Variants in ABCG8 observed in about 807,000 individuals in gnomAD.
The protein encoded by ABCG8 is ATP binding cassette subfamily G member 8.
A neutral mutation model predicts 71.3 loss-of-function variants in ABCG8; 81 were observed. The ratio of observed to expected loss-of-function variants is 1.14; its 90% CI spans 0.95 to 1.37. The LOEUF is 1.37. Ranked by LOEUF, ABCG8 falls within the 40% of genes most tolerant of loss-of-function variation. The pLI, the probability that ABCG8 is intolerant of heterozygous loss-of-function variation, is 0.00. For missense variants in ABCG8, 1,119 were observed against 866.2 expected (o/e 1.29, Z -3.66); for synonymous variants, 451 against 354.7 (o/e 1.27, Z -3.05).
Position 43,852,745 on chromosome 2 carries a change from G to C in ABCG8, c.841G>C (p.Asp281His), listed in dbSNP as rs2104920487. 1.2e-6 allele frequency: 2 copies of C among 1,614,200 alleles called. No homozygotes were observed. Among genetic ancestry groups the C allele is most frequent in the East Asian group, 4.5e-5 (2 of 44,878 alleles). The change falls in exon 6 of 13, where the codon GAT becomes CAT. Residue 281 changes from aspartate (D) to histidine (H), a missense_variant. Asp to His is a moderately conservative substitution (Grantham distance 81). Coordinates refer to ENST00000272286, the MANE Select transcript of ABCG8 (RefSeq NM_022437.3). ...QPRSDIFRLF[D>H]LVLLMTSGTP... ...TCGCTCTGACATCTTCAGGCTGTTT[G>C]ATCTGGTCCTCCTGATGACGTCTGG...
chr2:43,860,352 T>C (rs4952687), intron 6 of ABCG8, among the ~76,000 whole-genome samples: 65,744 of 145,278 alleles, frequency 0.45, 15,454 homozygotes, highest in East Asian at 0.87. Flanking sequence ...CTCTCACTAT[T>C]TGGATAGAAT....
chr2:43,876,359 G>A (rs1669957934), intron 11 of ABCG8, among the ~76,000 whole-genome samples: 1 of 152,238 alleles, frequency 6.6e-6, no homozygotes, highest in African/African-American at 2.4e-5. Flanking sequence ...GTCTCAGAGA[G>A]TGGGATGTGC....
At chr2:43,867,097 CA>C (rs1008694146) in intron 6 of ABCG8, among the ~76,000 whole-genome samples, 1 of 150,096 alleles carries the variant, frequency 6.7e-6, no homozygotes. Flanking sequence ...ATCGCAAGAA[CA>C]AAAAACCAAA....
intron 6 of ABCG8, among the ~76,000 whole-genome samples, chr2:43,859,497 C>T (rs1183691679): frequency 6.6e-6 from 1 of 151,326 alleles, no homozygotes; most frequent in African/African-American, 2.4e-5. Context: ...AGAACTCTCA[C>T]TATCTATCTG....
Position 43,855,218 on chromosome 2 carries a change from A to G in ABCG8, c.964+2350A>G, listed in dbSNP as rs115238791. ...TCTGAATAGAACTCTCACTATCTCA[A>G]TACAATTCTCACCATCTAGATAGAA... On this transcript the variant is annotated intron_variant, in intron 6 of 12. Transcript: ENST00000272286. Among the ~76,000 whole-genome samples, 795 of 152,094 alleles carry G rather than the reference A, an allele frequency of 5.2e-3. 5 individuals carry two copies. Among genetic ancestry groups the G allele is most frequent in the African/African-American group, 0.018 (752 of 41,466 alleles).
chr2:43,869,853 C>A (rs753444281), intron 6 of ABCG8, among the ~76,000 whole-genome samples: 3 of 151,986 alleles, frequency 2.0e-5, no homozygotes, highest in Non-Finnish European at 4.4e-5. Flanking sequence ...CTGGATGGAA[C>A]TCTCACTATC....
At chr2:43,848,606 A>T (rs1342915028) in intron 3 of ABCG8, 2 of 152,188 alleles carry the variant, frequency 1.3e-5, no homozygotes, top group African/African-American at 4.8e-5. Flanking sequence ...AAATTATTAA[A>T]ATGATTTATT....
chr2:43,852,976 T>G (rs1298818774), intron 6 of ABCG8, 108 bp downstream of exon 6: 34 of 1,335,420 alleles, frequency 2.5e-5, no homozygotes, highest in Non-Finnish European at 3.4e-5. Context: ...TCCCAGAGGT[T>G]TCAGGAGAGG....
intron 3 of ABCG8, chr2:43,846,679 T>G (rs537908117): frequency 1.5e-4 from 50 of 339,046 alleles, no homozygotes; most frequent in African/African-American, 9.8e-4. Flanking sequence ...TCCTCCACAA[T>G]CACATTCTGA....
intron 3 of ABCG8, among the ~76,000 whole-genome samples, chr2:43,850,183 A>G (rs957595159): frequency 4.6e-5 from 7 of 151,952 alleles, no homozygotes; most frequent in Non-Finnish European, 7.4e-5. Flanking sequence ...AGCCTGGGCC[A>G]CAGAGGGAGA....
At chr2:43,845,209 A>T (rs1452776949) in intron 2 of ABCG8, among the ~76,000 whole-genome samples, 1 of 151,884 alleles carries the variant, frequency 6.6e-6, no homozygotes, top group African/African-American at 2.4e-5. Context: ...GGCACCCAGG[A>T]ACCCCCTGGT....
chr2:43,846,259 C>T lies in ABCG8; in HGVS notation c.270C>T (p.Asn90=), dbSNP rs768306135. Residue 90 remains asparagine (N), a synonymous_variant, in exon 3 of 13, where the codon AAC becomes AAT. Coordinates refer to ENST00000272286, the MANE Select transcript of ABCG8 (RefSeq NM_022437.3). Reference sequence around the variant, plus strand: ...ATTCTTGTGAGCTGGGCATCCAGAACCTAAGCTTCAAAGTGAGAAGTGGGC... The same window carrying T: ...ATTCTTGTGAGCTGGGCATCCAGAATCTAAGCTTCAAAGTGAGAAGTGGGC... ...CQNSCELGIQ[N]LSFKVRSGQM... 6.2e-7 allele frequency: 1 copy of T among 1,614,158 alleles called. No individual in the cohort carries two copies. Among genetic ancestry groups the T allele is most frequent in the Non-Finnish European group, 8.5e-7 (1 of 1,180,040 alleles).
At chr2:43,848,749 C>T (rs1174520971) in intron 3 of ABCG8, among the ~76,000 whole-genome samples, 1 of 152,162 alleles carries the variant, frequency 6.6e-6, no homozygotes, top group African/African-American at 2.4e-5. Context: ...GGCACGGTGG[C>T]TCATGCCTGT....
At chr2:43,875,527 C>G (rs1241549494) in intron 11 of ABCG8, 114 bp downstream of exon 11, 6 of 1,378,832 alleles carry the variant, frequency 4.4e-6, no homozygotes, top group Non-Finnish European at 5.8e-6. Flanking sequence ...CGAGGCTGGC[C>G]CTTCTGGAAG....
rs1670083502 is a variant in ABCG8, at chr2:43,879,913, A to G, written c.*2000A>G. 2 of 152,184 alleles carry G rather than the reference A, an allele frequency of 1.3e-5. No homozygotes were observed. 9.4% of individuals were successfully genotyped at this position (152,184 alleles called of 1,614,324 possible). A position where few individuals can be genotyped will look rare whatever the true frequency, so the allele number is the denominator to read the frequency against. On this transcript the variant is annotated 3_prime_UTR_variant, in exon 13 of 13. Coordinates refer to ENST00000272286, the MANE Select transcript of ABCG8 (RefSeq NM_022437.3). ...ACTATTTTCCCTCCCTTTATAATTA[A>G]TAAGCATTTTGTAAGTGGGTACTTT...
chr2:43,872,296 A>G lies in ABCG8; in HGVS notation c.1201A>G (p.Thr401Ala). 6.2e-7 allele frequency: 1 copy of G among 1,613,740 alleles called. No homozygotes were observed. Among genetic ancestry groups the G allele is most frequent in the South Asian group, 1.1e-5 (1 of 91,060 alleles). The change falls in exon 8 of 13, where the codon ACG becomes GCG. Residue 401 changes from threonine to alanine, a missense_variant. Coordinates refer to ENST00000272286, the MANE Select transcript of ABCG8 (RefSeq NM_022437.3). ...KMPGAVQQFTTLIRRQISNDF... is the reference protein window; with the variant it reads ...KMPGAVQQFTALIRRQISNDF... ...GCCTGGGGCGGTGCAGCAGTTTACG[A>G]CGCTGATCCGGTAATTATCTGTCAT...
At position 43,878,036 on chromosome 2, in the gene ABCG8, C is replaced by A; in HGVS notation, c.*123C>A. 2 of 1,448,424 alleles carry A rather than the reference C, an allele frequency of 1.4e-6. No individual in the cohort carries two copies. The highest frequency in any genetic ancestry group is 1.2e-5 in the South Asian group (1 of 83,230). 89.7% of individuals were successfully genotyped at this position (1,448,424 alleles called of 1,614,324 possible). On this transcript the variant is annotated 3_prime_UTR_variant, in exon 13 of 13. Transcript: ENST00000272286. Reference sequence around the variant, plus strand: ...GACCCTACAGATGCTCAGCTACATCCGGCCCAGGGTGCTGCAGTGGCACAG... The same window carrying A: ...GACCCTACAGATGCTCAGCTACATCAGGCCCAGGGTGCTGCAGTGGCACAG...
chr2:43,882,794 AAAC>A lies in ABCG8; in HGVS notation c.*4885_*4887del, dbSNP rs1363371848. On this transcript the variant is annotated 3_prime_UTR_variant, in exon 13 of 13. Transcript: ENST00000272286. ...GTGTGGTGTTAGCAGCTAATAATTA[AAAC>A]AACGTTTAAGCAGTGGGTTGAGATT... 1.3e-5 allele frequency: 2 copies of A among 152,358 alleles called. No individual in the cohort carries two copies. The highest frequency in any genetic ancestry group is 3.9e-4 in the East Asian group (2 of 5,182). 9.4% of individuals were successfully genotyped at this position (152,358 alleles called of 1,614,324 possible).
rs774038687 is a variant in ABCG8, at chr2:43,873,911, A to G, written c.1336A>G (p.Met446Val). The G allele has an allele frequency of 1.2e-6, 2 of 1,614,024 alleles. No individual in the cohort carries two copies. Among genetic ancestry groups the G allele is most frequent in the Non-Finnish European group, 1.7e-6 (2 of 1,180,016 alleles). ...CCATGGGAGCATCCAGCTCTCCTTC[A>G]TGGATACAGCCGCCCTCTTGTTCAT... is the stretch of plus-strand genomic sequence containing the variant. ...FGHGSIQLSF[M>V]DTAALLFMIG... Residue 446 changes from methionine to valine, a missense_variant, in exon 9 of 13, where the codon ATG becomes GTG. Met to Val is a conservative substitution (Grantham distance 21). Coordinates refer to ENST00000272286, the MANE Select transcript of ABCG8 (RefSeq NM_022437.3).
Sources: gnomAD v4.1 joint callset for allele counts (sites outside exome capture counted in the v4.1 genomes callset) on GRCh38, gnomAD v4.1.1 for gene constraint, MANE v1.5 for transcripts, NCBI Gene and HGNC (gene_info 2026-07-23, HGNC 2026-07-21) for gene names.